Variants in PAN2 observed in about 807,000 individuals in gnomAD.
PAN2 encodes poly(A) specific ribonuclease subunit PAN2.
In PAN2, 68 loss-of-function variants were observed where a neutral mutation model predicts 133.3. The ratio of observed to expected loss-of-function variants is 0.51; its 90% CI spans 0.42 to 0.62. The LOEUF (loss-of-function observed/expected upper bound fraction) is 0.62, where lower values mean the gene tolerates loss of function less well. PAN2 is among the 20% of genes least tolerant of loss of function. The probability of loss-of-function intolerance (pLI) is 0.00; values close to 1 mark genes in which losing one functional copy is unlikely to be tolerated. For missense variants in PAN2, 1,042 were observed against 1,500.5 expected, an observed-to-expected ratio of 0.69 and a Z score of 5.05; for synonymous variants, 462 against 544.6, an observed-to-expected ratio of 0.85 and a Z score of 2.11.
chr12:56,322,899 C>A, intron 17 of PAN2, 141 bp from the exon 18 acceptor site: 1 of 1,247,334 alleles, frequency 8.0e-7, no homozygotes, highest in Non-Finnish European at 1.1e-6. Flanking sequence ...TCTAGGACCC[C>A]AACACTGAAC....
At chr12:56,325,514 C>T in intron 8 of PAN2, 60 bp from the exon 9 acceptor site, 1 of 1,591,546 alleles carries the variant, frequency 6.3e-7, no homozygotes, top group Non-Finnish European at 8.6e-7. Context: ...GCTTCACACT[C>T]ATTTATCCCA....
chr12:56,319,748 C>T lies in PAN2; in HGVS notation c.2963G>A (p.Arg988His), dbSNP rs368678752. 1.9e-5 allele frequency: 31 copies of T among 1,612,968 alleles called. No individual in the cohort carries two copies. The highest frequency in any genetic ancestry group is 4.4e-5 in the South Asian group (4 of 90,930). Residue 988 changes from arginine (R) to histidine (H), a missense_variant, in exon 22 of 26, where the codon CGC becomes CAC. By Grantham distance (29) the Arg-to-His change is conservative (BLOSUM62 0). Transcript: ENST00000440411. The surrounding 1 kb of genome is among the most constrained non-coding windows in gnomAD (Gnocchi z 5.4). ...VTLNEEEAEL[R>H]SDGTKSTIKP... ...AATGGTAGACTTGGTACCATCACTG[C>T]GTAACTCTGCTTCCTCCTACATGAG...
In PAN2 at chr12:56,333,167, T is replaced by C; in HGVS notation, c.-73A>G. On this transcript the variant is annotated 5_prime_UTR_variant, in exon 2 of 26. The change abolishes the stop of an existing upstream ORF in the 5' untranslated region. Coordinates refer to ENST00000440411, the MANE Select transcript of PAN2 (RefSeq NM_014871.6). ...TCCCTTTAGATGCCTGACCCAACCT[T>C]CAGCAAGACAGCACCGATGGGCCTA... 6.7e-7 allele frequency: 1 copy of C among 1,500,298 alleles called. No individual in the cohort carries two copies. The highest frequency in any genetic ancestry group is 9.2e-7 in the Non-Finnish European group (1 of 1,088,462). 92.9% of individuals were successfully genotyped at this position (1,500,298 alleles called of 1,614,324 possible).
chr12:56,327,133 AAG>A (rs891920289), intron 6 of PAN2, among the ~76,000 whole-genome samples, 174 bp from the exon 7 acceptor site: 2 of 152,232 alleles, frequency 1.3e-5, no homozygotes, highest in African/African-American at 4.8e-5. Flanking sequence ...CTACTCAGCA[AAG>A]AGCAATTCTA....
chr12:56,318,543 G>T, intron 24 of PAN2, 109 bp from the exon 25 acceptor site: 1 of 759,144 alleles, frequency 1.3e-6, no homozygotes. Context: ...CTGCCCTTAA[G>T]GAAAATTGTC....
intron 2 of PAN2, among the ~76,000 whole-genome samples, chr12:56,329,747 C>T (rs986166209): frequency 4.6e-5 from 7 of 151,496 alleles, no homozygotes; most frequent in African/African-American, 2.4e-5. Context: ...AGTTTGACAC[C>T]AGCCTGGCCA....
At chr12:56,331,271 T>G (rs535994342) in intron 2 of PAN2, among the ~76,000 whole-genome samples, 9 of 152,368 alleles carry the variant, frequency 5.9e-5, no homozygotes, top group Non-Finnish European at 1.0e-4. Context: ...AAATCCTAAT[T>G]GCTTGTAGTT....
intron 2 of PAN2, 81 bp from the exon 3 acceptor site, chr12:56,328,722 G>T: frequency 1.7e-6 from 2 of 1,152,614 alleles, no homozygotes; most frequent in Non-Finnish European, 2.5e-6. Flanking sequence ...ACTGAACATG[G>T]CTCAGCTTGG....
intron 19 of PAN2, 118 bp from the exon 20 acceptor site, chr12:56,322,286 A>T: frequency 9.7e-7 from 1 of 1,032,112 alleles, no homozygotes; most frequent in Non-Finnish European, 1.5e-6. Context: ...TGCTATTTTT[A>T]AGTGCTAATG....
chr12:56,328,404 C>A, intron 3 of PAN2, 46 bp from the exon 4 acceptor site: 1 of 1,598,964 alleles, frequency 6.3e-7, no homozygotes, highest in Non-Finnish European at 8.5e-7. Context: ...TTACAAGCTG[C>A]CAATCCCTTA....
In PAN2 at chr12:56,318,257, T is replaced by C. The variant is rs1215244980; in HGVS notation, c.3542A>G (p.Glu1181Gly). ...CTTACTCTTGGGACTTGTTTGGCCC[T>C]CAGGCTCAGGCACCTTCCAGTCCAT... is the stretch of plus-strand genomic sequence containing the variant. ...RKMDWKVPEPEGQTSPKNAAV... is the reference protein window; with the variant it reads ...RKMDWKVPEPGGQTSPKNAAV... The change falls in exon 25 of 26, where the codon GAG becomes GGG. Residue 1181 changes from glutamate to glycine, a missense_variant. This residue lies in a region of PAN2 where 85 missense variants were observed against 116.5 expected (regional missense o/e 0.73). Coordinates refer to ENST00000440411, the MANE Select transcript of PAN2 (RefSeq NM_014871.6). 12 of 1,613,970 alleles carry C rather than the reference T, an allele frequency of 7.4e-6. No individual in the cohort carries two copies. Among genetic ancestry groups the C allele is most frequent in the Non-Finnish European group, 1.0e-5 (12 of 1,179,948 alleles).
chr12:56,328,010 GC>G lies in PAN2; in HGVS notation c.635del (p.Gly212AlafsTer9). The G allele has an allele frequency of 6.2e-7, 1 of 1,613,940 alleles. No individual in the cohort carries two copies. The highest frequency in any genetic ancestry group is 8.5e-7 in the Non-Finnish European group (1 of 1,179,896). ...ACTTGGCCACCTTGCCAGACGTGTG[GC>G]CGCAGAAGAAGAAGCGATTTGTCTG... ...MRQTNRFFFC[G>X]HTSGKVSLRD... On this transcript the variant is annotated frameshift_variant, in exon 5 of 26. Coordinates refer to ENST00000440411, the MANE Select transcript of PAN2 (RefSeq NM_014871.6). LOFTEE classifies it high-confidence loss of function.
chr12:56,324,896 G>A, intron 10 of PAN2, 113 bp downstream of exon 10: 1 of 1,409,038 alleles, frequency 7.1e-7, no homozygotes, highest in East Asian at 2.3e-5. Context: ...TTGTAGAGGA[G>A]ACCATGGTAA....
chr12:56,329,623 A>C (rs1875517108), intron 2 of PAN2, among the ~76,000 whole-genome samples: 1 of 151,178 alleles, frequency 6.6e-6, no homozygotes, highest in African/African-American at 2.4e-5. Flanking sequence ...CAGTCACCGC[A>C]CCTGGCCTAT....
At position 56,319,022 on chromosome 12, in the gene PAN2, T is replaced by A. The variant is rs1874211646; in HGVS notation, c.3364+66A>T. 1 of 1,488,742 alleles carries A rather than the reference T, an allele frequency of 6.7e-7. No individual in the cohort carries two copies. The highest frequency in any genetic ancestry group is 1.4e-5 in the African/African-American group (1 of 72,300). The allele number at this position is 1,488,742 out of a possible 1,614,324, so 92.2% of individuals were successfully genotyped here. On this transcript the variant is annotated intron_variant, in intron 24 of 25. Transcript: ENST00000440411. The surrounding 1 kb of genome is among the most constrained non-coding windows in gnomAD (Gnocchi z 5.4). The stretch of plus-strand genomic sequence containing the variant: ...CCATGTTGCCGCAAAGAACATGATT[T>A]CTTTTTTTTTAAATGGCTGCTTCTG...
Position 56,324,439 on chromosome 12 carries a change from G to C in PAN2, c.1783C>G (p.Leu595Val). 1.9e-6 allele frequency: 3 copies of C among 1,614,192 alleles called. No homozygotes were observed. Among genetic ancestry groups the C allele is most frequent in the Non-Finnish European group, 2.5e-6 (3 of 1,180,032 alleles). ...GCCTCATCTGAGTCAGCCAGGATTA[G>C]ACCGAGGGCTGAGGCCTCAGGAATA... Reference protein sequence around the residue: ...RTIPEASALGLILADSDEASG... With the variant: ...RTIPEASALGVILADSDEASG... The change falls in exon 12 of 26, where the codon CTA becomes GTA. Residue 595 changes from leucine to valine, a missense_variant. This residue lies in a region of PAN2 where 908 missense variants were observed against 1,223.5 expected (regional missense o/e 0.74). Coordinates refer to ENST00000440411, the MANE Select transcript of PAN2 (RefSeq NM_014871.6).
chr12:56,326,278 C>T, intron 8 of PAN2, 35 bp downstream of exon 8: 4 of 1,526,432 alleles, frequency 2.6e-6, no homozygotes, highest in Non-Finnish European at 3.6e-6. Context: ...CTTCAGTGGG[C>T]CGGGGTCGGG....
Position 56,328,018 on chromosome 12 carries a change from A to C in PAN2, c.628T>G (p.Phe210Val), listed in dbSNP as rs531841066. 1 of 1,613,978 alleles carries C rather than the reference A, an allele frequency of 6.2e-7. No homozygotes were observed. The highest frequency in any genetic ancestry group is 1.1e-5 in the South Asian group (1 of 91,076). Residue 210 changes from phenylalanine (F) to valine (V), a missense_variant, in exon 5 of 26, where the codon TTC (phenylalanine) becomes GTC (valine). Phe to Val is a conservative substitution (Grantham distance 50, BLOSUM62 -1). Coordinates refer to ENST00000440411, the MANE Select transcript of PAN2 (RefSeq NM_014871.6). ...ACCTTGCCAGACGTGTGGCCGCAGA[A>C]GAAGAAGCGATTTGTCTGTCTCATG... The part of the protein sequence containing the change: ...TIMRQTNRFF[F>V]CGHTSGKVSL...
In PAN2 at chr12:56,319,441, A is replaced by C; in HGVS notation, c.3137T>G (p.Leu1046Arg). 1 of 1,614,166 alleles carries C rather than the reference A, an allele frequency of 6.2e-7. No individual in the cohort carries two copies. Among genetic ancestry groups the C allele is most frequent in the Non-Finnish European group, 8.5e-7 (1 of 1,180,002 alleles). Residue 1046 changes from leucine (L) to arginine (R), a missense_variant, in exon 23 of 26, where the codon CTC becomes CGC. Physicochemically the swap from Leu to Arg is moderately radical, Grantham distance 102. Transcript: ENST00000440411. This position sits in a 1 kb window ranked among gnomAD's most constrained non-coding sequence, Gnocchi z 5.4. Reference sequence around the variant, plus strand: ...GTGCTTGGAGGAAATTTTGGCATCGAGGTCACCAGGCTTTATACCCGAGTA... The same window carrying C: ...GTGCTTGGAGGAAATTTTGGCATCGCGGTCACCAGGCTTTATACCCGAGTA... ...TQYSGIKPGD[L>R]DAKISSKHLT... is the part of the protein sequence containing the mutation.
Sources: allele counts gnomAD v4.1 joint callset (sites outside exome capture counted in the v4.1 genomes callset), GRCh38; gene constraint gnomAD v4.1.1; regional missense constraint gnomAD v4.1.1; non-coding constraint Gnocchi (gnomAD v3.1); transcripts MANE v1.5; gene names NCBI Gene and HGNC (gene_info 2026-07-23, HGNC 2026-07-21).